The following PDE4D variants were observed in gnomAD, a reference collection of about 807,000 sequenced individuals.
PDE4D encodes the protein phosphodiesterase 4D, also known as 3',5'-cyclic-AMP phosphodiesterase 4D.
A neutral mutation model predicts 87.4 loss-of-function variants in PDE4D; 24 were observed. The ratio of observed to expected loss-of-function variants is 0.27; its 90% CI spans 0.20 to 0.39. The LOEUF is 0.39. PDE4D is among the 10% of genes least tolerant of loss of function. The probability of loss-of-function intolerance (pLI) is 1.00; values close to 1 mark genes in which losing one functional copy is unlikely to be tolerated. For missense variants in PDE4D, 714 were observed against 1,041.0 expected (o/e 0.69, Z 4.32); for synonymous variants, 384 against 383.2 (o/e 1.00, Z -0.02).
At chr5:60,155,668 TAATA>T (rs1387041808) in intron 2 of PDE4D, among the ~76,000 whole-genome samples, 1 of 152,186 alleles carries the variant, frequency 6.6e-6, no homozygotes, top group Non-Finnish European at 1.5e-5. Context: ...AACCTTGACT[TAATA>T]AATAAATAAA....
At chr5:59,567,314 T>G (rs1381763199) in intron 1 of PDE4D, among the ~76,000 whole-genome samples, 1 of 152,216 alleles carries the variant, frequency 6.6e-6, no homozygotes, top group Non-Finnish European at 1.5e-5. Flanking sequence ...CAAGTTACTA[T>G]TCTCCTTAAG....
Position 59,860,576 on chromosome 5 carries a change from A to G in PDE4D, c.455+32592T>C, listed in dbSNP as rs117071173. 2.0e-3 allele frequency among the ~76,000 whole-genome samples: 307 copies of G among 152,366 alleles called. 3 individuals are homozygous for G. The East Asian group carries it at 0.047, about 23-fold the overall frequency. ...ATCACTTTTAAAATATATACTTGCA[A>G]GATGAAAATAGGTTTAAATCCTAAA... On this transcript the variant is annotated intron_variant, in intron 1 of 14. Coordinates refer to ENST00000340635, the MANE Select transcript of PDE4D (RefSeq NM_001104631.2).
chr5:59,058,057 A>G (rs1011367222), intron 5 of PDE4D, among the ~76,000 whole-genome samples: 2 of 152,198 alleles, frequency 1.3e-5, no homozygotes, highest in African/African-American at 4.8e-5. Flanking sequence ...CTGGGGCTGG[A>G]ACCATAATGA....
At chr5:59,766,323 G>C (rs1762786792) in intron 1 of PDE4D, among the ~76,000 whole-genome samples, 2 of 152,106 alleles carry the variant, frequency 1.3e-5, no homozygotes, top group Non-Finnish European at 2.9e-5. Context: ...GGTTTCCATT[G>C]CTCTCTTTAT....
chr5:58,986,962 G>GATAT (rs5868149), intron 11 of PDE4D, among the ~76,000 whole-genome samples: 95,228 of 150,996 alleles, frequency 0.63, 30,220 homozygotes, highest in Middle Eastern at 0.72. Context: ...GTTTAAGATA[G>GATAT]ATATATATAT....
At chr5:60,503,587 C>G (rs190142105) in intron 1 of PDE4D, among the ~76,000 whole-genome samples, 1 of 152,034 alleles carries the variant, frequency 6.6e-6, no homozygotes, top group African/African-American at 2.4e-5. Flanking sequence ...TCTATGGAAA[C>G]GTAAGGTTGT....
chr5:59,192,800 C>G (rs1195543547), intron 3 of PDE4D, among the ~76,000 whole-genome samples: 2 of 152,188 alleles, frequency 1.3e-5, no homozygotes, highest in East Asian at 1.9e-4. Flanking sequence ...AGGCCTTTAA[C>G]AAATACAGAT....
Position 59,537,858 on chromosome 5 carries a change from A to AT in PDE4D, c.456-321891dup, listed in dbSNP as rs552641051. On this transcript the variant is annotated intron_variant, in intron 1 of 14. Coordinates refer to ENST00000340635, the MANE Select transcript of PDE4D (RefSeq NM_001104631.2). ...CTTCTTTTTAAAAATGGGAACTCTT[A>AT]TTTTATCCTGTAGCTGTTATATTCA... Among the ~76,000 whole-genome samples, 534 of 152,250 alleles carry AT rather than the reference A, an allele frequency of 3.5e-3. 3 individuals are homozygous for AT. Among genetic ancestry groups the AT allele is most frequent in the Admixed American group, 7.8e-3 (120 of 15,298 alleles).
intron 5 of PDE4D, among the ~76,000 whole-genome samples, chr5:59,060,117 T>G (rs1762917310): frequency 6.6e-6 from 1 of 152,154 alleles, no homozygotes; most frequent in South Asian, 2.1e-4. Flanking sequence ...CTGCCTGTAT[T>G]TATTGTTTTC....
intron 2 of PDE4D, among the ~76,000 whole-genome samples, chr5:60,057,467 C>T (rs1253195064): frequency 1.3e-5 from 2 of 151,972 alleles, no homozygotes; most frequent in African/African-American, 4.8e-5. Flanking sequence ...CACCTCCTCT[C>T]CAAAGTTTTT....
At chr5:59,655,457 G>A (rs1214368315) in intron 1 of PDE4D, among the ~76,000 whole-genome samples, 1 of 152,002 alleles carries the variant, frequency 6.6e-6, no homozygotes, top group African/African-American at 2.4e-5. Context: ...TGTAATGTTG[G>A]AAAAGTAATG....
At chr5:59,022,961 G>C (rs868375923) in intron 6 of PDE4D, among the ~76,000 whole-genome samples, 1 of 152,274 alleles carries the variant, frequency 6.6e-6, no homozygotes, top group Middle Eastern at 3.4e-3. Flanking sequence ...AGATTACGAG[G>C]TCAGGAGTTC....
chr5:59,509,078 A>G (rs1013309894), intron 1 of PDE4D, among the ~76,000 whole-genome samples: 2 of 152,000 alleles, frequency 1.3e-5, no homozygotes, highest in Non-Finnish European at 1.5e-5. Context: ...AGGAATACCA[A>G]TACATTTTAA....
chr5:59,318,873 G>A (rs921477706), intron 1 of PDE4D, among the ~76,000 whole-genome samples: 2 of 151,896 alleles, frequency 1.3e-5, no homozygotes, highest in African/African-American at 4.8e-5. Flanking sequence ...TTATACACAG[G>A]TGAATTTTTC....
At chr5:59,889,304 GT>G (rs549666922) in intron 1 of PDE4D, among the ~76,000 whole-genome samples, 88 of 150,240 alleles carry the variant, frequency 5.9e-4, no homozygotes, top group Non-Finnish European at 7.4e-4. Flanking sequence ...GTGATTATAG[GT>G]TTTAGCTCTT....
chr5:60,026,978 C>T (rs1766696199), intron 2 of PDE4D, among the ~76,000 whole-genome samples: 1 of 152,132 alleles, frequency 6.6e-6, no homozygotes, highest in South Asian at 2.1e-4. Context: ...ATAACTGTAT[C>T]CTCGTTGTTA....
chr5:59,667,089 T>C (rs552783930), intron 1 of PDE4D, among the ~76,000 whole-genome samples: 17 of 152,188 alleles, frequency 1.1e-4, no homozygotes, highest in Non-Finnish European at 1.8e-4. Flanking sequence ...AAATGGACAA[T>C]GTGGGTGGAT....
intron 3 of PDE4D, among the ~76,000 whole-genome samples, chr5:59,979,371 C>CTT (rs3062704): frequency 0.63 from 93,771 of 149,926 alleles, 31,723 homozygotes; most frequent in East Asian, 0.83. Context: ...ATTTAAAAAA[C>CTT]AAGTATTCTA....
At chr5:59,397,912 C>A (rs1368288359) in intron 1 of PDE4D, among the ~76,000 whole-genome samples, 2 of 121,024 alleles carry the variant, frequency 1.7e-5, no homozygotes, top group African/African-American at 6.6e-5. Context: ...ACCAACGATC[C>A]CACAGAAATA....
Sources: gnomAD v4.1 joint callset for allele counts (sites outside exome capture counted in the v4.1 genomes callset) on GRCh38, gnomAD v4.1.1 for gene constraint, MANE v1.5 for transcripts, NCBI Gene and HGNC (gene_info 2026-07-23, HGNC 2026-07-21) for gene names.